The following RTTN variants were observed in gnomAD, a reference collection of about 807,000 sequenced individuals.
The protein encoded by RTTN is rotatin.
In RTTN, 182 loss-of-function variants were observed where a neutral mutation model predicts 269.2. The observed-to-expected ratio is 0.68, with a 90% CI of 0.60 to 0.76. The LOEUF (loss-of-function observed/expected upper bound fraction) is 0.76. Among genes scored for constraint, RTTN ranks in the 30% least tolerant of loss-of-function variants. RTTN has a pLI of 0.00. For missense variants in RTTN, 2,545 were observed against 2,608.6 expected, an observed-to-expected ratio of 0.98 and a Z score of 0.53; for synonymous variants, 1,006 against 963.5, an observed-to-expected ratio of 1.04 and a Z score of -0.82.
chr18:70,166,901 T>C lies in RTTN; in HGVS notation c.1802+18A>G, dbSNP rs571666583. ...GTGTCCAATAATAACGTAATCACAT[T>C]AAGAAAGAAAATATTACATCTTTGA... On this transcript the variant is annotated intron_variant, in intron 13 of 48. Coordinates refer to ENST00000640769, the MANE Select transcript of RTTN (RefSeq NM_173630.4). 2 of 1,545,716 alleles carry C rather than the reference T, an allele frequency of 1.3e-6. No homozygotes were observed. Among genetic ancestry groups the C allele is most frequent in the African/African-American group, 1.4e-5 (1 of 73,384 alleles).
chr18:70,044,465 T>C (rs1220868073), intron 40 of RTTN, among the ~76,000 whole-genome samples: 1 of 152,186 alleles, frequency 6.6e-6, no homozygotes, highest in Admixed American at 6.5e-5. Flanking sequence ...AGTAGGCCCC[T>C]TTATCCTTGA....
At chr18:70,129,519 T>C (rs2145628629) in intron 23 of RTTN, 1 of 150,788 alleles carries the variant, frequency 6.6e-6, no homozygotes, top group Non-Finnish European at 1.5e-5. Flanking sequence ...AGAACATAAT[T>C]TGGGGAAAGA....
At position 70,140,121 on chromosome 18, in the gene RTTN, T is replaced by C; in HGVS notation, c.2649A>G (p.Glu883=). Residue 883 remains glutamate, a synonymous_variant, in exon 20 of 49, where the codon GAA becomes GAG. Transcript: ENST00000640769. Reference sequence around the variant, plus strand: ...TTACCTTGCCATCTTGACTCACACATTCATTTAAATACTCAATTATTTTGT... The same window carrying C: ...TTACCTTGCCATCTTGACTCACACACTCATTTAAATACTCAATTATTTTGT... ...LIDKIIEYLN[E]CVSQDGKVVE... The C allele has an allele frequency of 6.3e-7, 1 of 1,597,370 alleles. No homozygotes were observed. The highest frequency in any genetic ancestry group is 1.3e-5 in the African/African-American group (1 of 74,650).
intron 27 of RTTN, among the ~76,000 whole-genome samples, chr18:70,111,959 C>T (rs1365733783): frequency 6.6e-6 from 1 of 152,208 alleles, no homozygotes; most frequent in Non-Finnish European, 1.5e-5. Flanking sequence ...GCAGATCTCT[C>T]AGCAGAAACC....
intron 37 of RTTN, 127 bp from the exon 38 acceptor site, chr18:70,054,411 A>G: frequency 1.2e-6 from 1 of 841,232 alleles, no homozygotes; most frequent in Non-Finnish European, 1.8e-6. Flanking sequence ...AAGATCTGAA[A>G]TTAACACATA....
intron 27 of RTTN, among the ~76,000 whole-genome samples, chr18:70,111,714 A>G (rs1420920397): frequency 6.6e-6 from 1 of 152,268 alleles, no homozygotes; most frequent in Non-Finnish European, 1.5e-5. Flanking sequence ...AATGGAACCA[A>G]CTTGGAAAAC....
In RTTN at chr18:70,150,098, A is replaced by T; in HGVS notation, c.2056-11T>A. The T allele has an allele frequency of 6.4e-7, 1 of 1,563,162 alleles. No homozygotes were observed. The stretch of plus-strand genomic sequence containing the variant: ...GGCAGCAGTGTTCACCTGCTCAACA[A>T]CACAGACCCGATAAACCAGTCAAAT... On this transcript the variant is annotated splice_polypyrimidine_tract_variant and intron_variant, in intron 15 of 48. Coordinates refer to ENST00000640769, the MANE Select transcript of RTTN (RefSeq NM_173630.4).
intron 34 of RTTN, among the ~76,000 whole-genome samples, chr18:70,068,650 A>G (rs1201671670): frequency 6.6e-6 from 1 of 152,208 alleles, no homozygotes; most frequent in Non-Finnish European, 1.5e-5. Context: ...GTTCCTGTCA[A>G]GCTTCTCGCT....
At chr18:70,123,047 T>A (rs1469037309) in intron 25 of RTTN, among the ~76,000 whole-genome samples, 1 of 152,100 alleles carries the variant, frequency 6.6e-6, no homozygotes, top group Non-Finnish European at 1.5e-5. Context: ...AAAAAAAAAA[T>A]TAATTTGTAT....
At chr18:70,162,569 T>C (rs928511417) in intron 14 of RTTN, among the ~76,000 whole-genome samples, 2 of 152,090 alleles carry the variant, frequency 1.3e-5, no homozygotes, top group African/African-American at 4.8e-5. Context: ...CAGATGTTTA[T>C]AAAACCATCA....
Position 70,169,074 on chromosome 18 carries a change from G to A in RTTN, c.1477-7C>T, listed in dbSNP as rs1474611762. The A allele has an allele frequency of 1.9e-6, 3 of 1,558,468 alleles. No individual in the cohort carries two copies. The South Asian group carries it at 3.7e-5, about 19-fold the overall frequency. On this transcript the variant is annotated splice_region_variant and splice_polypyrimidine_tract_variant and intron_variant, in intron 11 of 48. Transcript: ENST00000640769. ...CTGATAAAAACTCGCTTGCCTTGGT[G>A]AATTAAAAAAACAAAAAAATTAAAA...
intron 25 of RTTN, among the ~76,000 whole-genome samples, chr18:70,126,207 G>A (rs1221849897): frequency 1.3e-5 from 2 of 152,072 alleles, no homozygotes; most frequent in Non-Finnish European, 2.9e-5. Context: ...AGTCTTTCCT[G>A]TAATGTGGTA....
At chr18:70,076,857 C>G (rs2145087832) in intron 32 of RTTN, among the ~76,000 whole-genome samples, 1 of 151,648 alleles carries the variant, frequency 6.6e-6, no homozygotes, top group East Asian at 1.9e-4. Context: ...TACTGGCGCC[C>G]TTTAATACAT....
chr18:70,018,220 C>T (rs775638168), intron 45 of RTTN, among the ~76,000 whole-genome samples: 17 of 152,104 alleles, frequency 1.1e-4, no homozygotes, highest in Non-Finnish European at 2.2e-4. Context: ...GATGGCTACA[C>T]GTCATTCTAT....
rs1273174742 is a variant in RTTN at position 70,166,129 on chromosome 18, T to A, written c.1862A>T (p.His621Leu). Residue 621 changes from histidine (H) to leucine (L), a missense_variant, in exon 14 of 49, where the codon CAT becomes CTT. By Grantham distance (99) the His-to-Leu change is moderately conservative. Transcript: ENST00000640769. ...LQGESQKVLL[H>L]MLSHPLPRVK... ...TCGTGGCAATGGGTGAGACAACATA[T>A]GGAGAAGCACCTTCTGACTTTCTCC... is the stretch of plus-strand genomic sequence containing the variant. 1 of 1,613,642 alleles carries A rather than the reference T, an allele frequency of 6.2e-7. No individual in the cohort carries two copies. The highest frequency in any genetic ancestry group is 8.5e-7 in the Non-Finnish European group (1 of 1,179,620).
At position 70,150,087 on chromosome 18, in the gene RTTN, C is replaced by T. The variant is rs2060497826; in HGVS notation, c.2056G>A (p.Val686Met). ...AGAATGGCCTTGGCAGCAGTGTTCA[C>T]CTGCTCAACAACACAGACCCGATAA... is the stretch of plus-strand genomic sequence containing the variant. ...VFGIQEPESE[V>M]NTAAKAILLY... Residue 686 changes from valine to methionine, a missense_variant and splice_region_variant, in exon 16 of 49, where the codon GTG (valine) becomes ATG (methionine). Coordinates refer to ENST00000640769, the MANE Select transcript of RTTN (RefSeq NM_173630.4). The T allele has an allele frequency of 1.3e-6, 2 of 1,599,118 alleles. No individual in the cohort carries two copies. The highest frequency in any genetic ancestry group is 1.7e-6 in the Non-Finnish European group (2 of 1,166,632).
chr18:70,167,230 T>C (rs2061011366), intron 12 of RTTN, among the ~76,000 whole-genome samples, 199 bp from the exon 13 acceptor site: 1 of 152,240 alleles, frequency 6.6e-6, no homozygotes, highest in Non-Finnish European at 1.5e-5. Context: ...CCTAGCTAAA[T>C]GCCACATGAG....
Position 70,162,902 on chromosome 18 carries a change from AAAC to A in RTTN, c.1929+3157_1929+3159del, listed in dbSNP as rs537171261. 3.1e-4 allele frequency among the ~76,000 whole-genome samples: 47 copies of A among 150,344 alleles called. No homozygotes were observed. In the South Asian group the frequency reaches 7.2e-3, roughly 23 times the overall value. ...ATAAAAGTTGAAAAAAAAAAAAAAA[AAAC>A]AGAAACTAATGAAAGATTACATGAA... On this transcript the variant is annotated intron_variant, in intron 14 of 48. Transcript: ENST00000640769.
intron 34 of RTTN, among the ~76,000 whole-genome samples, chr18:70,073,454 T>G (rs2058349081): frequency 6.6e-6 from 1 of 152,182 alleles, no homozygotes; most frequent in African/African-American, 2.4e-5. Context: ...TGCCCTGCCC[T>G]TAAGCACAAT....
Sources: allele counts gnomAD v4.1 joint callset (sites outside exome capture counted in the v4.1 genomes callset), GRCh38; gene constraint gnomAD v4.1.1; transcripts MANE v1.5; gene names NCBI Gene and HGNC (gene_info 2026-07-23, HGNC 2026-07-21).